Variants in PARP8 observed in about 807,000 individuals in gnomAD.
PARP8 encodes poly(ADP-ribose) polymerase family member 8.
Under a neutral mutation model 124.1 loss-of-function variants are expected in PARP8, and 51 were observed. The ratio of observed to expected loss-of-function variants is 0.41; its 90% CI spans 0.33 to 0.52. The LOEUF (loss-of-function observed/expected upper bound fraction) is 0.52. Ranked by LOEUF, PARP8 falls within the 20% of genes least tolerant of loss-of-function variation. The pLI, the probability that PARP8 is intolerant of heterozygous loss-of-function variation, is 0.21. For synonymous variants in PARP8, 391 were observed against 361.5 expected (o/e 1.08, Z -0.93); for missense variants, 860 against 1,018.9 (o/e 0.84, Z 2.12).
chr5:50,739,292 T>C (rs1268957469), intron 2 of PARP8, among the ~76,000 whole-genome samples: 5 of 151,862 alleles, frequency 3.3e-5, no homozygotes, highest in Non-Finnish European at 4.4e-5. Context: ...GGCTTCCATA[T>C]GAAGAAGGAG....
intron 2 of PARP8, among the ~76,000 whole-genome samples, chr5:50,733,490 C>T (rs571429966): frequency 1.3e-5 from 2 of 152,022 alleles, no homozygotes; most frequent in Non-Finnish European, 2.9e-5. Context: ...TTTAAAGCCT[C>T]CTAAATGATG....
chr5:50,794,916 C>T lies in PARP8; in HGVS notation c.927C>T (p.Asp309=), dbSNP rs369728340. 1.4e-4 allele frequency: 218 copies of T among 1,614,200 alleles called. No homozygotes were observed. The highest frequency in any genetic ancestry group is 1.7e-4 in the Non-Finnish European group (198 of 1,180,038). Residue 309 remains aspartate (D), a synonymous_variant, in exon 12 of 26, where the codon GAC becomes GAT. Transcript: ENST00000281631. ...AATCCAAACTGAAATCTGAGCAGGA[C>T]GGAATCTCCAAAACGCATAAGCTGC... is the stretch of plus-strand genomic sequence containing the variant. ...KSKSKLKSEQ[D]GISKTHKLLR...
intron 3 of PARP8, among the ~76,000 whole-genome samples, chr5:50,750,623 T>G (rs1219360322): frequency 6.6e-6 from 1 of 152,140 alleles, no homozygotes; most frequent in Non-Finnish European, 1.5e-5. Context: ...CATAGTTTGG[T>G]ATGGAGATAA....
chr5:50,777,454 T>C (rs1409767919), intron 7 of PARP8, among the ~76,000 whole-genome samples: 1 of 152,166 alleles, frequency 6.6e-6, no homozygotes, highest in East Asian at 1.9e-4. Flanking sequence ...TTTCATTCGC[T>C]TAAGAAGTAT....
chr5:50,709,844 A>AGTGTGTGTGTGT (rs35238386), intron 2 of PARP8, among the ~76,000 whole-genome samples: 1 of 127,904 alleles, frequency 7.8e-6, no homozygotes, highest in African/African-American at 2.9e-5. Flanking sequence ...TTTGTACAAG[A>AGTGTGTGTGTGT]GTGTGTGTGT....
At chr5:50,799,205 A>G (rs1742912605) in intron 14 of PARP8, among the ~76,000 whole-genome samples, 1 of 152,228 alleles carries the variant, frequency 6.6e-6, no homozygotes, top group Non-Finnish European at 1.5e-5. Flanking sequence ...TTTATGTCTT[A>G]CATTTAAGTC....
At chr5:50,800,177 CATTTT>C (rs1239466106) in intron 14 of PARP8, among the ~76,000 whole-genome samples, 1 of 152,108 alleles carries the variant, frequency 6.6e-6, no homozygotes, top group African/African-American at 2.4e-5. Flanking sequence ...TGTTTTTAAG[CATTTT>C]ATTATTTTTG....
intron 2 of PARP8, among the ~76,000 whole-genome samples, chr5:50,696,913 TC>T (rs1183337896): frequency 6.6e-6 from 1 of 152,152 alleles, no homozygotes; most frequent in African/African-American, 2.4e-5. Flanking sequence ...CCTTGGGTGT[TC>T]TTTTTCTCCT....
At chr5:50,677,978 T>A (rs529983900) in intron 2 of PARP8, among the ~76,000 whole-genome samples, 9 of 151,044 alleles carry the variant, frequency 6.0e-5, no homozygotes, top group African/African-American at 2.2e-4. Context: ...ATCAGGAAAA[T>A]ATAAAATTAG....
chr5:50,840,161 T>G (rs1299275678), intron 25 of PARP8, among the ~76,000 whole-genome samples: 17 of 151,934 alleles, frequency 1.1e-4, no homozygotes, highest in Non-Finnish European at 1.6e-4. Context: ...AAATAATTCT[T>G]TCTATCTGTG....
intron 2 of PARP8, among the ~76,000 whole-genome samples, chr5:50,749,755 C>T (rs547533614): frequency 6.6e-6 from 1 of 152,024 alleles, no homozygotes; most frequent in Admixed American, 6.5e-5. Flanking sequence ...TGTTTAAATT[C>T]TTGGGTGCTG....
intron 24 of PARP8, 171 bp from the exon 25 acceptor site, chr5:50,834,760 A>G: frequency 1.5e-6 from 1 of 655,994 alleles, no homozygotes; most frequent in Non-Finnish European, 2.7e-6. Flanking sequence ...ATGGTCTTTC[A>G]CTGTTTTTAT....
chr5:50,844,869 T>C lies in PARP8; in HGVS notation c.*2801T>C, dbSNP rs1748500142. The C allele has an allele frequency of 6.6e-6, 1 of 151,730 alleles. No individual in the cohort carries two copies. Among genetic ancestry groups the C allele is most frequent in the Admixed American group, 6.6e-5 (1 of 15,180 alleles). 9.4% of individuals were successfully genotyped at this position (151,730 alleles called of 1,614,324 possible). A position where few individuals can be genotyped will look rare whatever the true frequency, so the allele number is the denominator to read the frequency against. On this transcript the variant is annotated 3_prime_UTR_variant, in exon 26 of 26. Transcript: ENST00000281631. ...GAAAAAAGTAATAATATACAAATAA[T>C]CTAGTGCTATAAAATGCATTATAGT...
At chr5:50,789,643 G>A (rs146432182) in intron 10 of PARP8, among the ~76,000 whole-genome samples, 2 of 152,108 alleles carry the variant, frequency 1.3e-5, no homozygotes, top group African/African-American at 4.8e-5. Flanking sequence ...ACCTCAGTTC[G>A]CCATGGTCAG....
chr5:50,740,772 C>T (rs531751059), intron 2 of PARP8, among the ~76,000 whole-genome samples: 1 of 150,756 alleles, frequency 6.6e-6, no homozygotes, highest in South Asian at 2.1e-4. Flanking sequence ...GTGATTGTGC[C>T]ACTGCTCTCC....
chr5:50,747,963 A>C (rs1290995981), intron 2 of PARP8, among the ~76,000 whole-genome samples: 1 of 149,984 alleles, frequency 6.7e-6, no homozygotes, highest in Admixed American at 6.6e-5. Flanking sequence ...TTTAGTATAG[A>C]CCTTGCTTTT....
At chr5:50,754,956 G>T (rs1337402856) in intron 3 of PARP8, among the ~76,000 whole-genome samples, 1 of 152,118 alleles carries the variant, frequency 6.6e-6, no homozygotes, top group Non-Finnish European at 1.5e-5. Flanking sequence ...ATTTTTTCAT[G>T]TGTCTGTTGG....
chr5:50,777,532 T>C (rs994441071), intron 7 of PARP8, among the ~76,000 whole-genome samples: 11 of 152,260 alleles, frequency 7.2e-5, no homozygotes, highest in African/African-American at 2.6e-4. Flanking sequence ...TAGAATATAC[T>C]ACAGTTCCTT....
chr5:50,803,522 T>G (rs76249206), intron 14 of PARP8, among the ~76,000 whole-genome samples: 1 of 152,140 alleles, frequency 6.6e-6, no homozygotes, highest in African/African-American at 2.4e-5. Flanking sequence ...TTTTTTCATT[T>G]TATTATTCTT....
Sources: gnomAD v4.1 joint callset for allele counts (sites outside exome capture counted in the v4.1 genomes callset) on GRCh38, gnomAD v4.1.1 for gene constraint, MANE v1.5 for transcripts, NCBI Gene and HGNC (gene_info 2026-07-23, HGNC 2026-07-21) for gene names.